The following MAP3K21 variants were observed in gnomAD, a reference collection of about 807,000 sequenced individuals.
MAP3K21 encodes mitogen-activated protein kinase kinase kinase 21.
MAP3K21 carries 63 observed loss-of-function variants against 86.1 expected under a neutral mutation model. The ratio of observed to expected loss-of-function variants is 0.73; its 90% CI spans 0.60 to 0.90. MAP3K21 has a LOEUF of 0.90. Ranked by LOEUF, MAP3K21 falls within the 40% of genes least tolerant of loss-of-function variation. The pLI is 0.00. For missense variants in MAP3K21, 1,220 were observed against 1,367.7 expected, an observed-to-expected ratio of 0.89 and a Z score of 1.70; for synonymous variants, 558 against 564.8, an observed-to-expected ratio of 0.99 and a Z score of 0.17.
At chr1:233,340,005 A>T (rs1437392768) in intron 1 of MAP3K21, among the ~76,000 whole-genome samples, 1 of 152,226 alleles carries the variant, frequency 6.6e-6, no homozygotes, top group Non-Finnish European at 1.5e-5. Context: ...GCAGTATTAA[A>T]AAAAAAGATT....
rs1342540602 is a variant in MAP3K21 at position 233,375,997 on chromosome 1, T to G, written c.1757T>G (p.Phe586Cys). The part of the protein sequence containing the change: ...QEEFEDVKRN[F>C]KKKGCTWGPN... ...GAATTTGAGGATGTAAAAAGGAATT[T>G]TAAGAAAAAAGGTTGTACCTGGGGA... Residue 586 changes from phenylalanine to cysteine, a missense_variant, in exon 7 of 10, where the codon TTT becomes TGT. By Grantham distance (205) the Phe-to-Cys change is radical. Around this residue, in one of 5 missense-constraint regions of MAP3K21, gnomAD observed 632 missense variants for 691.3 expected, o/e 0.91. Transcript: ENST00000366624. 6.2e-7 allele frequency: 1 copy of G among 1,606,654 alleles called. No homozygotes were observed. The highest frequency in any genetic ancestry group is 1.3e-5 in the African/African-American group (1 of 74,330).
In MAP3K21 at chr1:233,370,743, G is replaced by A. The variant is rs546861597; in HGVS notation, c.1553-1295G>A. Among the ~76,000 whole-genome samples the A allele has an allele frequency of 6.6e-5, 10 of 152,244 alleles. No homozygotes were observed. The East Asian group carries it at 1.9e-3, about 29-fold the overall frequency. On this transcript the variant is annotated intron_variant, in intron 5 of 9. Coordinates refer to ENST00000366624, the MANE Select transcript of MAP3K21 (RefSeq NM_032435.3). ...GAATTTGAGGAGTGAGATATTTATG[G>A]GCAAATTAATAGAGGAATGCAGGAT...
intron 1 of MAP3K21, among the ~76,000 whole-genome samples, chr1:233,340,299 C>T (rs528381236): frequency 6.6e-6 from 1 of 152,210 alleles, no homozygotes; most frequent in East Asian, 1.9e-4. Context: ...TGCTGGTGCC[C>T]TGATTGAGTG....
intron 6 of MAP3K21, chr1:233,373,183 TA>T (rs1663722151): frequency 6.6e-6 from 1 of 152,158 alleles, no homozygotes; most frequent in Admixed American, 6.5e-5. Flanking sequence ...GCATTTTGCA[TA>T]AAACCGTACC....
chr1:233,339,868 CTT>C (rs1663005685), intron 1 of MAP3K21, among the ~76,000 whole-genome samples: 1 of 152,210 alleles, frequency 6.6e-6, no homozygotes, highest in East Asian at 1.9e-4. Flanking sequence ...TAGCAGCTGA[CTT>C]AACATGAAAG....
intron 1 of MAP3K21, among the ~76,000 whole-genome samples, chr1:233,346,180 G>T (rs1663135445): frequency 6.6e-6 from 1 of 152,070 alleles, no homozygotes; most frequent in Non-Finnish European, 1.5e-5. Flanking sequence ...AATGTTTCTT[G>T]CTCTTAGAAA....
chr1:233,358,872 T>C (rs7542818), intron 4 of MAP3K21, among the ~76,000 whole-genome samples: 100,131 of 151,910 alleles, frequency 0.66, 33,619 homozygotes, highest in East Asian at 0.99. Context: ...TGCAGTGGTG[T>C]GGTCTCGGCT....
chr1:233,364,318 A>C (rs1222532207), intron 5 of MAP3K21, among the ~76,000 whole-genome samples: 2 of 152,148 alleles, frequency 1.3e-5, no homozygotes. Context: ...CACATAGAGG[A>C]AAGAAAAATC....
At chr1:233,373,190 G>A (rs547369035) in intron 6 of MAP3K21, 5 of 152,278 alleles carry the variant, frequency 3.3e-5, no homozygotes, top group South Asian at 2.1e-4. Context: ...GCATAAAACC[G>A]TACCTCAAAC....
intron 1 of MAP3K21, among the ~76,000 whole-genome samples, chr1:233,344,647 A>G (rs1663099150): frequency 1.3e-5 from 2 of 152,208 alleles, no homozygotes; most frequent in Non-Finnish European, 2.9e-5. Context: ...AACCTAGGCA[A>G]TACCATTCAG....
intron 1 of MAP3K21, among the ~76,000 whole-genome samples, chr1:233,338,002 A>G (rs1238077524): frequency 2.6e-5 from 4 of 152,230 alleles, no homozygotes; most frequent in Admixed American, 2.6e-4. Flanking sequence ...TGTTCTTGCT[A>G]ATATATTAAT....
At chr1:233,335,880 A>C (rs1294287) in intron 1 of MAP3K21, among the ~76,000 whole-genome samples, 121,630 of 152,226 alleles carry the variant, frequency 0.8, 48,771 homozygotes, top group East Asian at 0.99. Context: ...GGTGGCATTT[A>C]TTTGCACTTG....
rs377225215 is a variant in MAP3K21 at position 233,382,476 on chromosome 1, C to T, written c.2876C>T (p.Ala959Val). The change falls in exon 10 of 10, where the codon GCT (alanine) becomes GTT (valine). Residue 959 changes from alanine to valine, a missense_variant. By Grantham distance (64) the Ala-to-Val change is moderately conservative. This residue lies in a region of MAP3K21 where 632 missense variants were observed against 691.3 expected (regional missense o/e 0.91). Transcript: ENST00000366624. ...AGAAGCCGCTCAGATCTGCCTCAGG[C>T]TTACCCACAGACAGCAGTGTCTCAG... ...SLRSRSDLPQ[A>V]YPQTAVSQLA... 2 of 1,614,220 alleles carry T rather than the reference C, an allele frequency of 1.2e-6. No individual in the cohort carries two copies. Among genetic ancestry groups the T allele is most frequent in the African/African-American group, 2.7e-5 (2 of 75,060 alleles).
chr1:233,360,479 G>T (rs1368663674), intron 4 of MAP3K21, among the ~76,000 whole-genome samples: 2 of 152,060 alleles, frequency 1.3e-5, no homozygotes, highest in African/African-American at 4.8e-5. Context: ...AGTTTTTCTT[G>T]TGAAATTTGT....
At chr1:233,366,456 C>A (rs1475229273) in intron 5 of MAP3K21, among the ~76,000 whole-genome samples, 1 of 152,062 alleles carries the variant, frequency 6.6e-6, no homozygotes, top group Non-Finnish European at 1.5e-5. Context: ...TCACTCTGTA[C>A]CCCATAAATA....
intron 1 of MAP3K21, among the ~76,000 whole-genome samples, chr1:233,332,256 G>A (rs1215663726): frequency 6.6e-6 from 1 of 152,110 alleles, no homozygotes; most frequent in African/African-American, 2.4e-5. Context: ...ATAACAAATA[G>A]ATTAGAAAAT....
At chr1:233,371,481 C>T (rs1199994626) in intron 5 of MAP3K21, among the ~76,000 whole-genome samples, 1 of 152,210 alleles carries the variant, frequency 6.6e-6, no homozygotes, top group African/African-American at 2.4e-5. Flanking sequence ...CTGTCTCAGC[C>T]TTCCGAGTAG....
At chr1:233,366,900 T>G (rs1034180462) in intron 5 of MAP3K21, among the ~76,000 whole-genome samples, 1 of 152,180 alleles carries the variant, frequency 6.6e-6, no homozygotes, top group African/African-American at 2.4e-5. Flanking sequence ...TAAGGAAGAT[T>G]AATGCTTAAA....
chr1:233,381,122 ACTG>A (rs1300035444), intron 9 of MAP3K21, among the ~76,000 whole-genome samples: 3 of 152,206 alleles, frequency 2.0e-5, no homozygotes, highest in Admixed American at 6.5e-5. Context: ...AATTACGTAG[ACTG>A]CTTTCTTGTT....
Sources: gnomAD v4.1 joint callset for allele counts (sites outside exome capture counted in the v4.1 genomes callset) on GRCh38, gnomAD v4.1.1 for gene constraint, gnomAD v4.1.1 regional missense constraint, MANE v1.5 for transcripts, NCBI Gene and HGNC (gene_info 2026-07-23, HGNC 2026-07-21) for gene names.